NLN: variants seen among roughly 807,000 people sequenced by gnomAD.
The protein encoded by NLN is neurolysin, mitochondrial.
A neutral mutation model predicts 79.9 loss-of-function variants in NLN; 64 were observed. That is an observed-to-expected ratio of 0.80 (90% confidence interval 0.65 to 0.99). NLN has a LOEUF of 0.99. Ranked by LOEUF, NLN falls within the 50% of genes least tolerant of loss-of-function variation. NLN has a pLI of 0.00. For synonymous variants in NLN, 267 were observed against 296.6 expected, an observed-to-expected ratio of 0.90 and a Z score of 1.02; for missense variants, 835 against 858.7, an observed-to-expected ratio of 0.97 and a Z score of 0.34.
intron 3 of NLN, among the ~76,000 whole-genome samples, chr5:65,770,813 A>G (rs1047821625): frequency 2.6e-5 from 4 of 152,256 alleles, no homozygotes; most frequent in South Asian, 4.1e-4. Flanking sequence ...TAGCATTAAA[A>G]TAAATAAGTA....
chr5:65,799,972 G>A (rs1760248417), intron 9 of NLN, among the ~76,000 whole-genome samples: 1 of 152,166 alleles, frequency 6.6e-6, no homozygotes, highest in Admixed American at 6.6e-5. Context: ...CCTGGATTTA[G>A]GGATAGATTA....
At chr5:65,751,103 C>T (rs1759092131) in intron 1 of NLN, among the ~76,000 whole-genome samples, 1 of 152,136 alleles carries the variant, frequency 6.6e-6, no homozygotes, top group Admixed American at 6.5e-5. Context: ...TCAAGAGCAG[C>T]TTGTAGAGAA....
At chr5:65,779,339 G>A (rs1292480726) in intron 4 of NLN, among the ~76,000 whole-genome samples, 1 of 151,976 alleles carries the variant, frequency 6.6e-6, no homozygotes, top group Non-Finnish European at 1.5e-5. Flanking sequence ...TAGAAGAATG[G>A]GACAGATTAA....
intron 3 of NLN, among the ~76,000 whole-genome samples, chr5:65,774,887 G>A (rs1759647485): frequency 6.6e-6 from 1 of 151,754 alleles, no homozygotes; most frequent in African/African-American, 2.4e-5. Context: ...ACCACACCCG[G>A]CTGATTTTTG....
chr5:65,758,812 A>G lies in NLN; in HGVS notation c.287A>G (p.Glu96Gly). ...TGTCTGCAGGCACTGGCAGATGTAG[A>G]AGTAAAGTATATAGGTGGGTCAGAT... ...ENCLQALADVEVKYIVERTML... is the reference protein window; with the variant it reads ...ENCLQALADVGVKYIVERTML... Residue 96 changes from glutamate to glycine, a missense_variant, in exon 2 of 13, where the codon GAA (glutamate) becomes GGA (glycine). Transcript: ENST00000380985. The G allele has an allele frequency of 6.2e-7, 1 of 1,613,650 alleles. No homozygotes were observed. Among genetic ancestry groups the G allele is most frequent in the Non-Finnish European group, 8.5e-7 (1 of 1,179,640 alleles).
chr5:65,794,039 A>G (rs1323738970), intron 9 of NLN, among the ~76,000 whole-genome samples: 2 of 152,202 alleles, frequency 1.3e-5, no homozygotes, highest in Non-Finnish European at 2.9e-5. Flanking sequence ...TGTATTTTTC[A>G]AGTGATAATG....
chr5:65,781,418 A>G lies in NLN; in HGVS notation c.819A>G (p.Lys273=), dbSNP rs745711624. The G allele has an allele frequency of 1.9e-6, 3 of 1,595,982 alleles. No homozygotes were observed. Among genetic ancestry groups the G allele is most frequent in the Non-Finnish European group, 2.6e-6 (3 of 1,166,668 alleles). ...AAATGGCTTTTAATACAAGGTGCAA[A>G]GAGGTATTATAAATGTTTGTCTTTC... is the stretch of plus-strand genomic sequence containing the variant. ...RMEMAFNTRC[K]EENTIILQQL... Residue 273 remains lysine (K), a synonymous_variant, in exon 6 of 13, where the codon AAA becomes AAG. Transcript: ENST00000380985.
At chr5:65,797,452 T>C (rs938525612) in intron 9 of NLN, among the ~76,000 whole-genome samples, 5 of 152,248 alleles carry the variant, frequency 3.3e-5, no homozygotes, top group Non-Finnish European at 5.9e-5. Context: ...TAGATAAATG[T>C]ACCCTGTATT....
chr5:65,735,305 A>G (rs1481268663), intron 1 of NLN, among the ~76,000 whole-genome samples: 1 of 152,224 alleles, frequency 6.6e-6, no homozygotes, highest in Non-Finnish European at 1.5e-5. Flanking sequence ...GCATTTCTTC[A>G]TAGCAGCATG....
intron 12 of NLN, among the ~76,000 whole-genome samples, chr5:65,816,074 C>T (rs551821641): frequency 3.2e-4 from 49 of 152,072 alleles, no homozygotes; most frequent in African/African-American, 9.9e-4. Flanking sequence ...ATGTATACCA[C>T]GGAATACAGT....
At chr5:65,788,586 AAC>A (rs1759989230) in intron 8 of NLN, 102 bp downstream of exon 8, 2 of 1,244,390 alleles carry the variant, frequency 1.6e-6, no homozygotes, top group African/African-American at 3.0e-5. Context: ...CTGTAATCCC[AAC>A]ACTTTGGGAG....
At position 65,788,408 on chromosome 5, in the gene NLN, AGT is replaced by A. The variant is rs759138070; in HGVS notation, c.1252_1253del (p.Val418TyrfsTer8). 2.5e-5 allele frequency: 41 copies of A among 1,613,866 alleles called. No individual in the cohort carries two copies. The highest frequency in any genetic ancestry group is 3.4e-5 in the Non-Finnish European group (40 of 1,179,856). ...QMTDAHVWNK[S>X]VTLYTVKDKA... ...GACAGATGCTCATGTTTGGAACAAG[AGT>A]GTTACACTTTATACTGTGAAGGATA... On this transcript the variant is annotated frameshift_variant, in exon 8 of 13. Coordinates refer to ENST00000380985, the MANE Select transcript of NLN (RefSeq NM_020726.5). LOFTEE classifies it high-confidence loss of function.
chr5:65,792,950 T>G (rs1309502199), intron 9 of NLN: 1 of 423,772 alleles, frequency 2.4e-6, no homozygotes. Context: ...TTTAATCCTT[T>G]AGGAATTTGA....
chr5:65,745,113 G>A (rs975574066), intron 1 of NLN, among the ~76,000 whole-genome samples: 1 of 152,106 alleles, frequency 6.6e-6, no homozygotes, highest in Non-Finnish European at 1.5e-5. Context: ...TTGAGAACAG[G>A]TGACTAAAAA....
intron 3 of NLN, among the ~76,000 whole-genome samples, chr5:65,763,348 G>A (rs1401958750): frequency 6.6e-6 from 1 of 152,088 alleles, no homozygotes; most frequent in African/African-American, 2.4e-5. Flanking sequence ...TAAAGTTAAG[G>A]CTTTTTAATA....
At chr5:65,768,632 T>A (rs1759504041) in intron 3 of NLN, among the ~76,000 whole-genome samples, 1 of 152,218 alleles carries the variant, frequency 6.6e-6, no homozygotes. Flanking sequence ...TTTTCACAGT[T>A]GTAGAGGCTG....
rs1561211838 is a variant in NLN at position 65,809,498 on chromosome 5, CTG to C, written c.1528-13_1528-12del. 3.2e-6 allele frequency: 5 copies of C among 1,565,178 alleles called. No homozygotes were observed. Among genetic ancestry groups the C allele is most frequent in the Non-Finnish European group, 4.3e-6 (5 of 1,160,274 alleles). On this transcript the variant is annotated splice_polypyrimidine_tract_variant and intron_variant, in intron 9 of 12. Transcript: ENST00000380985. The stretch of plus-strand genomic sequence containing the variant: ...TCATTGAGTTCTTTAAAAAAATTCT[CTG>C]TGTTTGCTTTCTAGACTGATTTTGC...
In NLN at chr5:65,792,498, G is replaced by T. The variant is rs1250831837; in HGVS notation, c.1370G>T (p.Gly457Val). ...NHAACFGLQPGCLLPDGSRMM... is the reference protein window; with the variant it reads ...NHAACFGLQPVCLLPDGSRMM... ...GCGGCCTGCTTCGGTCTCCAGCCTGGCTGCCTTCTGCCTGATGGAAGCCGG... is the reference window on the plus strand; with the variant it reads ...GCGGCCTGCTTCGGTCTCCAGCCTGTCTGCCTTCTGCCTGATGGAAGCCGG... Residue 457 changes from glycine to valine, a missense_variant, in exon 9 of 13, where the codon GGC becomes GTC. By Grantham distance (109) the Gly-to-Val change is moderately radical. Transcript: ENST00000380985. 1.9e-6 allele frequency: 3 copies of T among 1,614,110 alleles called. No homozygotes were observed. Among genetic ancestry groups the T allele is most frequent in the Non-Finnish European group, 2.5e-6 (3 of 1,180,012 alleles).
At chr5:65,747,911 C>T (rs569184246) in intron 1 of NLN, among the ~76,000 whole-genome samples, 9 of 152,146 alleles carry the variant, frequency 5.9e-5, no homozygotes, top group Non-Finnish European at 1.0e-4. Context: ...TGCCAAAGTA[C>T]AGCAGTCAGC....
Sources: allele counts gnomAD v4.1 joint callset (sites outside exome capture counted in the v4.1 genomes callset), GRCh38; gene constraint gnomAD v4.1.1; transcripts MANE v1.5; gene names NCBI Gene and HGNC (gene_info 2026-07-23, HGNC 2026-07-21).